Variants in SLIT2 observed in about 807,000 individuals in gnomAD.
The protein encoded by SLIT2 is slit homolog 2 protein.
SLIT2 carries 41 observed loss-of-function variants against 185.7 expected under a neutral mutation model. The ratio of observed to expected loss-of-function variants is 0.22; its 90% CI spans 0.17 to 0.29. The LOEUF (loss-of-function observed/expected upper bound fraction) is 0.29. Among genes scored for constraint, SLIT2 ranks in the 10% least tolerant of loss-of-function variants. SLIT2 has a pLI of 1.00. For missense variants in SLIT2, 1,571 were observed against 1,909.0 expected (o/e 0.82, Z 3.30); for synonymous variants, 693 against 680.2 (o/e 1.02, Z -0.29).
chr4:20,521,526 C>T (rs774796746), intron 12 of SLIT2, among the ~76,000 whole-genome samples: 5 of 152,142 alleles, frequency 3.3e-5, no homozygotes, highest in Non-Finnish European at 4.4e-5. Context: ...CCTCAGGCTC[C>T]ACACAATTTC....
At chr4:20,575,772 C>T (rs894847171) in intron 29 of SLIT2, among the ~76,000 whole-genome samples, 2 of 152,094 alleles carry the variant, frequency 1.3e-5, no homozygotes, top group Admixed American at 1.3e-4. Context: ...AATTCAAGTG[C>T]AGCCAAGCCG....
chr4:20,517,302 A>C (rs1197239797), intron 11 of SLIT2, among the ~76,000 whole-genome samples: 1 of 152,148 alleles, frequency 6.6e-6, no homozygotes, highest in East Asian at 1.9e-4. Flanking sequence ...TTGAGCACCA[A>C]CCTTAGAATC....
intron 4 of SLIT2, among the ~76,000 whole-genome samples, chr4:20,316,156 GA>G (rs1718558404): frequency 6.6e-6 from 1 of 151,838 alleles, no homozygotes; most frequent in East Asian, 1.9e-4. Flanking sequence ...CTTGTGGGAG[GA>G]AAAAATATTT....
chr4:20,492,634 C>A (rs1045399073), intron 9 of SLIT2, among the ~76,000 whole-genome samples: 1 of 152,026 alleles, frequency 6.6e-6, no homozygotes, highest in African/African-American at 2.4e-5. Context: ...TTGACAAAAC[C>A]CCTTTTAACC....
At chr4:20,582,428 G>T (rs1031736821) in intron 29 of SLIT2, among the ~76,000 whole-genome samples, 1 of 152,172 alleles carries the variant, frequency 6.6e-6, no homozygotes, top group Non-Finnish European at 1.5e-5. Flanking sequence ...TTATCTGCGG[G>T]TGATACGTTC....
intron 4 of SLIT2, among the ~76,000 whole-genome samples, chr4:20,431,931 C>G (rs1729012806): frequency 6.6e-6 from 1 of 151,984 alleles, no homozygotes; most frequent in Non-Finnish European, 1.5e-5. Context: ...CAAATGATAA[C>G]TAAATCTCTC....
At chr4:20,430,735 A>C (rs1001580014) in intron 4 of SLIT2, among the ~76,000 whole-genome samples, 1 of 152,218 alleles carries the variant, frequency 6.6e-6, no homozygotes, top group Admixed American at 6.5e-5. Context: ...CCTCCCGCCC[A>C]TGGGGCCTCG....
At chr4:20,439,762 C>G (rs1729607930) in intron 4 of SLIT2, among the ~76,000 whole-genome samples, 1 of 152,146 alleles carries the variant, frequency 6.6e-6, no homozygotes, top group South Asian at 2.1e-4. Context: ...TCACAATCTA[C>G]TAATATCTGA....
At chr4:20,608,424 A>G (rs1009336679) in intron 33 of SLIT2, among the ~76,000 whole-genome samples, 15 of 152,170 alleles carry the variant, frequency 9.9e-5, no homozygotes, top group Non-Finnish European at 2.9e-5. Context: ...GTGTGCAACT[A>G]TACTTATAAA....
At position 20,253,647 on chromosome 4, in the gene SLIT2, C is replaced by T. The variant is rs1722212348; in HGVS notation, c.-169C>T. On this transcript the variant is annotated 5_prime_UTR_variant, in exon 1 of 37. Transcript: ENST00000504154. ...TGGAGAGGGCGGTGGGAGGCGTGTG[C>T]CTGAGTGGGCTCTACTGCCTTGTTC... 2.9e-6 allele frequency: 2 copies of T among 679,714 alleles called. No homozygotes were observed. The highest frequency in any genetic ancestry group is 3.1e-5 in the Admixed American group (1 of 32,376). 42.1% of individuals were successfully genotyped at this position (679,714 alleles called of 1,614,324 possible). A position where few individuals can be genotyped will look rare whatever the true frequency, so the allele number is the denominator to read the frequency against.
intron 4 of SLIT2, among the ~76,000 whole-genome samples, chr4:20,463,824 C>T (rs1031888357): frequency 6.4e-4 from 94 of 147,950 alleles, no homozygotes; most frequent in African/African-American, 2.3e-3. Context: ...TGCAGTGAGC[C>T]GAGATGGCGT....
intron 26 of SLIT2, among the ~76,000 whole-genome samples, chr4:20,556,295 C>G (rs1724245105): frequency 6.6e-6 from 1 of 151,880 alleles, no homozygotes; most frequent in Non-Finnish European, 1.5e-5. Context: ...TGGCATAAAA[C>G]CTTCTACTCA....
intron 12 of SLIT2, among the ~76,000 whole-genome samples, chr4:20,522,975 G>A (rs1409870255): frequency 2.0e-5 from 3 of 152,088 alleles, no homozygotes. Flanking sequence ...ATATATTTTA[G>A]AAAATAGAAA....
In SLIT2 at chr4:20,455,765, C is replaced by T. The variant is rs538612164; in HGVS notation, c.396-11987C>T. ...ATAATCTAAAAAACTATGAATTGTA[C>T]AGTTTACACAGGTAAACTTTTTGGT... On this transcript the variant is annotated intron_variant, in intron 4 of 36. Coordinates refer to ENST00000504154, the MANE Select transcript of SLIT2 (RefSeq NM_004787.4). Among the ~76,000 whole-genome samples, 3 of 152,114 alleles carry T rather than the reference C, an allele frequency of 2.0e-5. No homozygotes were observed. In the South Asian group the frequency reaches 6.2e-4, roughly 32 times the overall value.
chr4:20,332,385 G>C (rs1720139890), intron 4 of SLIT2, among the ~76,000 whole-genome samples: 1 of 152,166 alleles, frequency 6.6e-6, no homozygotes, highest in South Asian at 2.1e-4. Flanking sequence ...CCTGGAGCTG[G>C]AAAGAGGGGA....
intron 4 of SLIT2, among the ~76,000 whole-genome samples, chr4:20,460,235 A>T (rs1241966159): frequency 1.3e-5 from 2 of 152,056 alleles, no homozygotes; most frequent in African/African-American, 4.8e-5. Context: ...ACATGCCAGT[A>T]ATTCTGCAGA....
intron 4 of SLIT2, among the ~76,000 whole-genome samples, chr4:20,358,340 G>A (rs575283721): frequency 6.6e-6 from 1 of 152,106 alleles, no homozygotes; most frequent in Non-Finnish European, 1.5e-5. Context: ...TCTGCATGTC[G>A]ATGCATGTAT....
At chr4:20,305,050 T>C (rs187274353) in intron 4 of SLIT2, among the ~76,000 whole-genome samples, 1 of 152,358 alleles carries the variant, frequency 6.6e-6, no homozygotes, top group East Asian at 1.9e-4. Context: ...AATCTATATT[T>C]TTACTGCATT....
At chr4:20,426,381 T>C (rs892751414) in intron 4 of SLIT2, among the ~76,000 whole-genome samples, 1 of 152,162 alleles carries the variant, frequency 6.6e-6, no homozygotes, top group Non-Finnish European at 1.5e-5. Context: ...GGGAATCAGA[T>C]TCTTTAGAAA....
Sources: gnomAD v4.1 joint callset for allele counts (sites outside exome capture counted in the v4.1 genomes callset) on GRCh38, gnomAD v4.1.1 for gene constraint, MANE v1.5 for transcripts, NCBI Gene and HGNC (gene_info 2026-07-23, HGNC 2026-07-21) for gene names.